NOL6: variants seen among roughly 807,000 people sequenced by gnomAD.
NOL6 encodes the protein nucleolar RNA-associated protein.
Under a neutral mutation model 131.7 loss-of-function variants are expected in NOL6, and 33 were observed. The observed-to-expected ratio is 0.25, with a 90% CI of 0.19 to 0.33. NOL6 has a LOEUF of 0.33. NOL6 is among the 10% of genes least tolerant of loss of function. The probability of loss-of-function intolerance (pLI) is 1.00; values close to 1 mark genes in which losing one functional copy is unlikely to be tolerated. For synonymous variants in NOL6, 580 were observed against 605.7 expected (o/e 0.96, Z 0.62); for missense variants, 1,297 against 1,494.5 (o/e 0.87, Z 2.18).
In NOL6 at chr9:33,470,108, G is replaced by A. The variant is rs1563881051; in HGVS notation, c.462C>T (p.Phe154=). Residue 154 remains phenylalanine (F), a synonymous_variant, in exon 4 of 26, where the codon TTC becomes TTT. Transcript: ENST00000297990. ...VPYAVKGCFR[F]LPPAQVTVVG... The stretch of plus-strand genomic sequence containing the variant: ...CAACAGTAACCTGGGCTGGGGGCAG[G>A]AAGCGGAAACAGCCCTTCACGGCAT... The A allele has an allele frequency of 1.2e-6, 2 of 1,613,104 alleles. No individual in the cohort carries two copies. Among genetic ancestry groups the A allele is most frequent in the East Asian group, 2.2e-5 (1 of 44,834 alleles).
chr9:33,473,408 G>C (rs1217565669), intron 1 of NOL6, among the ~76,000 whole-genome samples: 1 of 152,176 alleles, frequency 6.6e-6, no homozygotes, highest in Admixed American at 6.5e-5. Context: ...AGCCTTACTG[G>C]AGCGCTCCAG....
chr9:33,473,431 A>T, intron 1 of NOL6, among the ~76,000 whole-genome samples: 1 of 152,204 alleles, frequency 6.6e-6, no homozygotes, highest in Non-Finnish European at 1.5e-5. Flanking sequence ...GAGGCACCGT[A>T]TGCCCTCCGC....
In NOL6 at chr9:33,463,379, G is replaced by C. The variant is rs763517037; in HGVS notation, c.3057C>G (p.Ile1019Met). Residue 1019 changes from isoleucine (I) to methionine (M), a missense_variant, in exon 24 of 26, where the codon ATC becomes ATG. By Grantham distance (10) the Ile-to-Met change is conservative (BLOSUM62 1). Coordinates refer to ENST00000297990, the MANE Select transcript of NOL6 (RefSeq NM_022917.5). The stretch of plus-strand genomic sequence containing the variant: ...AGTCCACAGCCTGGCGGTGCCGCGG[G>C]ATATGGCGAGGAGACAGGCGAATCA... ...DVLIRLSPRH[I>M]PRHRQAVDSP... 1 of 1,614,164 alleles carries C rather than the reference G, an allele frequency of 6.2e-7. No homozygotes were observed. Among genetic ancestry groups the C allele is most frequent in the South Asian group, 1.1e-5 (1 of 91,070 alleles).
intron 3 of NOL6, chr9:33,470,764 A>C (rs1159941789): frequency 7.0e-6 from 1 of 143,506 alleles, no homozygotes; most frequent in Non-Finnish European, 1.5e-5. Flanking sequence ...ACTTTTTTAA[A>C]ACAGAGAGAG....
At chr9:33,468,626 C>T in intron 8 of NOL6, 60 bp from the exon 9 acceptor site, 3 of 1,607,704 alleles carry the variant, frequency 1.9e-6, no homozygotes, top group Non-Finnish European at 2.6e-6. Flanking sequence ...GCCCTAATGA[C>T]ACCCTCCCTC....
At chr9:33,469,151 G>A in intron 6 of NOL6, 30 bp from the exon 7 acceptor site, 1 of 1,614,088 alleles carries the variant, frequency 6.2e-7, no homozygotes, top group African/African-American at 1.3e-5. Flanking sequence ...GCCATGAGAG[G>A]AAAAGTCCCC....
rs10971523 is a variant in NOL6, at chr9:33,472,313, G to A, written c.154C>T (p.Pro52Ser). 1.7e-3 allele frequency: 2,738 copies of A among 1,614,200 alleles called. 40 individuals are homozygous for A. In the African/African-American group the frequency reaches 0.032, roughly 19 times the overall value. Residue 52 changes from proline to serine, a missense_variant, in exon 2 of 26, where the codon CCA (proline) becomes TCA (serine). Physicochemically the swap from Pro to Ser is moderately conservative, Grantham distance 74. Transcript: ENST00000297990. ...AEPPAKGLLQ[P>S]VKLSRAELYK... The stretch of plus-strand genomic sequence containing the variant: ...AGTTCTGCCCTGCTGAGCTTCACTG[G>A]CTGCAGGAGGCCCTTCGCTGGAGGT...
chr9:33,467,004 G>A lies in NOL6; in HGVS notation c.1875-17C>T. The A allele has an allele frequency of 6.2e-7, 1 of 1,614,114 alleles. No homozygotes were observed. The highest frequency in any genetic ancestry group is 8.5e-7 in the Non-Finnish European group (1 of 1,180,004). ...TCAGCATGGCTGAAAAAGAGGCAGA[G>A]ACACAGTGAGAAAATTTGGGGCTAT... On this transcript the variant is annotated splice_polypyrimidine_tract_variant and intron_variant, in intron 14 of 25. Coordinates refer to ENST00000297990, the MANE Select transcript of NOL6 (RefSeq NM_022917.5). This position sits in a 1 kb window ranked among gnomAD's most constrained non-coding sequence, Gnocchi z 4.4.
chr9:33,465,327 A>G lies in NOL6; in HGVS notation c.2561T>C (p.Val854Ala). Residue 854 changes from valine to alanine, a missense_variant, in exon 20 of 26, where the codon GTG becomes GCG. Transcript: ENST00000297990. Reference protein sequence around the residue: ...LQQQHPAFSGVARLAKRWVRA... With the variant: ...LQQQHPAFSGAARLAKRWVRA... ...CACCCACCGCTTGGCCAGCCGTGCC[A>G]CACCAGAGAAGGCTGGGTGCTGCTG... 2 of 1,593,260 alleles carry G rather than the reference A, an allele frequency of 1.3e-6. No homozygotes were observed. The highest frequency in any genetic ancestry group is 8.6e-7 in the Non-Finnish European group (1 of 1,168,584).
Position 33,472,284 on chromosome 9 carries a change from G to C in NOL6, c.183C>G (p.Tyr61Ter), listed in dbSNP as rs772923657. 6.2e-7 allele frequency: 1 copy of C among 1,614,126 alleles called. No individual in the cohort carries two copies. The highest frequency in any genetic ancestry group is 8.5e-7 in the Non-Finnish European group (1 of 1,180,052). The change falls in exon 2 of 26, where the codon TAC becomes TAG. Residue 61 changes from tyrosine (Y) to a stop codon, truncating the protein, a stop_gained. Transcript: ENST00000297990. LOFTEE classifies it high-confidence loss of function. The stretch of plus-strand genomic sequence containing the variant: ...TAAGCTCCTCATTGGTAGGCTCCTT[G>C]TACAGTTCTGCCCTGCTGAGCTTCA... ...QPVKLSRAELYKEPTNEELNR... is the reference protein window; with the variant it reads ...QPVKLSRAEL
At position 33,466,119 on chromosome 9, in the gene NOL6, C is replaced by T. The variant is rs1440018743; in HGVS notation, c.2316G>A (p.Gln772=). 6.2e-7 allele frequency: 1 copy of T among 1,612,266 alleles called. No individual in the cohort carries two copies. Among genetic ancestry groups the T allele is most frequent in the Non-Finnish European group, 8.5e-7 (1 of 1,178,976 alleles). The change falls in exon 18 of 26, where the codon CAG becomes CAA. Residue 772 remains glutamine, a synonymous_variant. Coordinates refer to ENST00000297990, the MANE Select transcript of NOL6 (RefSeq NM_022917.5). Reference sequence around the variant, plus strand: ...CAGTGGCACGGCACTGCAGACCATGCTGTTGTGTCAACAGCTCTGCCAGGC... The same window carrying T: ...CAGTGGCACGGCACTGCAGACCATGTTGTTGTGTCAACAGCTCTGCCAGGC... The part of the protein sequence containing the change: ...QLRLAELLTQ[Q]HGLQCRATAT...
chr9:33,473,768 C>T (rs754650633), intron 1 of NOL6, 21 bp downstream of exon 1: 7 of 1,611,716 alleles, frequency 4.3e-6, no homozygotes, highest in Non-Finnish European at 5.9e-6. Context: ...GCCTCTGTTC[C>T]TCCCCGATGG....
intron 25 of NOL6, 76 bp from the exon 26 acceptor site, chr9:33,462,889 G>T (rs1054372630): frequency 3.8e-6 from 6 of 1,585,000 alleles, no homozygotes; most frequent in Non-Finnish European, 5.2e-6. Context: ...GGTACAGAGT[G>T]GGGGTGGTGG....
chr9:33,464,766 G>A, intron 21 of NOL6, 113 bp downstream of exon 21: 2 of 721,770 alleles, frequency 2.8e-6, no homozygotes, highest in Non-Finnish European at 2.4e-6. Flanking sequence ...GTCAGGCTTA[G>A]ACATCTGGGG....
rs1451341712 is a variant in NOL6 at position 33,467,227 on chromosome 9, C to T, written c.1761G>A (p.Ser587=). 8 of 1,614,034 alleles carry T rather than the reference C, an allele frequency of 5.0e-6. No individual in the cohort carries two copies. The highest frequency in any genetic ancestry group is 2.2e-5 in the South Asian group (2 of 91,080). The change falls in exon 14 of 26, where the codon TCG becomes TCA. Residue 587 remains serine (S), a synonymous_variant. Coordinates refer to ENST00000297990, the MANE Select transcript of NOL6 (RefSeq NM_022917.5). This position sits in a 1 kb window ranked among gnomAD's most constrained non-coding sequence, Gnocchi z 4.4. ...CTCCGTCCTGGAAACGCCGAAGCTCCGAGCGGGATCCCCAGAACTGGCGGA... is the reference window on the plus strand; with the variant it reads ...CTCCGTCCTGGAAACGCCGAAGCTCTGAGCGGGATCCCCAGAACTGGCGGA... ...AKFRQFWGSR[S]ELRRFQDGAI...
In NOL6 at chr9:33,464,913, G is replaced by A. The variant is rs1284490218; in HGVS notation, c.2745C>T (p.Asn915=). The part of the protein sequence containing the change: ...FLVSTFDWKN[N]PLFVNLNNEL... Reference sequence around the variant, plus strand: ...CATTATTGAGGTTGACAAAGAGGGGGTTGTTCTTCCAATCAAACGTTGATA... The same window carrying A: ...CATTATTGAGGTTGACAAAGAGGGGATTGTTCTTCCAATCAAACGTTGATA... Residue 915 remains asparagine, a synonymous_variant, in exon 21 of 26, where the codon AAC becomes AAT. Coordinates refer to ENST00000297990, the MANE Select transcript of NOL6 (RefSeq NM_022917.5). 6.2e-6 allele frequency: 10 copies of A among 1,614,018 alleles called. No homozygotes were observed. Among genetic ancestry groups the A allele is most frequent in the Admixed American group, 3.3e-5 (2 of 60,024 alleles).
Position 33,472,339 on chromosome 9 carries a change from T to G in NOL6, c.128A>C (p.Glu43Ala). 6.2e-7 allele frequency: 1 copy of G among 1,614,218 alleles called. No homozygotes were observed. Among genetic ancestry groups the G allele is most frequent in the Non-Finnish European group, 8.5e-7 (1 of 1,180,038 alleles). ...CTGCAGGAGGCCCTTCGCTGGAGGT[T>G]CAGCCAATGTACGCTTCCTGGAGGA... ...KASSRKRTLAEPPAKGLLQPV... is the reference protein window; with the variant it reads ...KASSRKRTLAAPPAKGLLQPV... The change falls in exon 2 of 26, where the codon GAA becomes GCA. Residue 43 changes from glutamate (E) to alanine (A), a missense_variant. Transcript: ENST00000297990.
At chr9:33,465,658 A>C (rs1240305732) in intron 19 of NOL6, 76 bp downstream of exon 19, 1 of 1,480,154 alleles carries the variant, frequency 6.8e-7, no homozygotes, top group African/African-American at 1.4e-5. Flanking sequence ...GCCCCTGGAG[A>C]GACAGGTGGC....
rs778403426 is a variant in NOL6 at position 33,466,948 on chromosome 9, C to A, written c.1914G>T (p.Gly638=). 15 of 1,614,172 alleles carry A rather than the reference C, an allele frequency of 9.3e-6. No homozygotes were observed. Among genetic ancestry groups the A allele is most frequent in the Non-Finnish European group, 1.3e-5 (15 of 1,180,036 alleles). The change falls in exon 15 of 26, where the codon GGG becomes GGT. Residue 638 remains glycine (G), a synonymous_variant. Transcript: ENST00000297990. ...CTTGGATAAGTGCATCCAGGGGGCC[C>A]CCCACATAGTGGACACAGGTTTCTG... ...DIPETCVHYV[G]GPLDALIQGL...
Sources: gnomAD v4.1 joint callset for allele counts (sites outside exome capture counted in the v4.1 genomes callset) on GRCh38, gnomAD v4.1.1 for gene constraint, Gnocchi (gnomAD v3.1) non-coding constraint, MANE v1.5 for transcripts, NCBI Gene and HGNC (gene_info 2026-07-23, HGNC 2026-07-21) for gene names.